UBR1: variants seen among roughly 807,000 people sequenced by gnomAD.
UBR1 encodes the protein ubiquitin protein ligase E3 component n-recognin 1, also known as E3 ubiquitin-protein ligase UBR1.
In UBR1, 102 loss-of-function variants were observed where a neutral mutation model predicts 242.1. That is an observed-to-expected ratio of 0.42 (90% CI 0.36 to 0.50). The LOEUF is 0.50. Ranked by LOEUF, UBR1 falls within the 20% of genes least tolerant of loss-of-function variation. UBR1 has a pLI of 0.01. For synonymous variants in UBR1, 675 were observed against 684.8 expected (o/e 0.99, Z 0.22); for missense variants, 1,772 against 2,101.8 (o/e 0.84, Z 3.07).
rs537194066 is a variant in UBR1 at position 42,951,219 on chromosome 15, T to G, written c.5007-856A>C. Among the ~76,000 whole-genome samples the G allele has an allele frequency of 1.7e-4, 26 of 152,290 alleles. No individual in the cohort carries two copies. In the South Asian group the frequency reaches 5.4e-3, roughly 32 times the overall value. ...TAAACTCTTTTTTCATAAATATAAG[T>G]GACTATTTTTCTTTTTTTTCCCAGA... is the stretch of plus-strand genomic sequence containing the variant. On this transcript the variant is annotated intron_variant, in intron 45 of 46. Transcript: ENST00000290650.
intron 15 of UBR1, among the ~76,000 whole-genome samples, chr15:43,039,180 T>G (rs1160946849): frequency 2.6e-5 from 4 of 152,048 alleles, no homozygotes; most frequent in African/African-American, 4.8e-5. Context: ...TATACAAACA[T>G]TAACTCAAAA....
intron 39 of UBR1, among the ~76,000 whole-genome samples, chr15:42,974,028 A>G (rs2032249269): frequency 1.3e-5 from 2 of 151,654 alleles, no homozygotes; most frequent in Admixed American, 1.3e-4. Flanking sequence ...AGCTGGGACT[A>G]CAGGCACCCG....
intron 33 of UBR1, among the ~76,000 whole-genome samples, chr15:42,997,676 G>A (rs1488369723): frequency 6.6e-6 from 1 of 152,124 alleles, no homozygotes; most frequent in Non-Finnish European, 1.5e-5. Flanking sequence ...AATAGTATTA[G>A]TAATAGTAAT....
At chr15:43,007,827 A>G (rs1596098067) in intron 29 of UBR1, among the ~76,000 whole-genome samples, 1 of 152,212 alleles carries the variant, frequency 6.6e-6, no homozygotes, top group Admixed American at 6.5e-5. Flanking sequence ...AAATGGTTGC[A>G]CAGCTCTTAC....
chr15:43,098,763 A>C (rs1476136311), intron 1 of UBR1, among the ~76,000 whole-genome samples: 1 of 152,226 alleles, frequency 6.6e-6, no homozygotes, highest in African/African-American at 2.4e-5. Flanking sequence ...GGCATTAAAA[A>C]ATCAAAATTT....
intron 37 of UBR1, among the ~76,000 whole-genome samples, chr15:42,979,803 C>T (rs2032348346): frequency 6.6e-6 from 1 of 152,140 alleles, no homozygotes; most frequent in African/African-American, 2.4e-5. Flanking sequence ...AGAGGTCCAC[C>T]TCCCCTGGCT....
At chr15:43,068,127 A>G in intron 5 of UBR1, 91 bp from the exon 6 acceptor site, 1 of 830,718 alleles carries the variant, frequency 1.2e-6, no homozygotes, top group Non-Finnish European at 1.8e-6. Flanking sequence ...AATACATAAC[A>G]TCTGTGTAGT....
At chr15:43,059,063 G>A (rs1370283912) in intron 9 of UBR1, 22 bp downstream of exon 9, 3 of 1,578,656 alleles carry the variant, frequency 1.9e-6, no homozygotes, top group African/African-American at 2.7e-5. Context: ...CTGACAAACA[G>A]CATAAGCAAA....
At chr15:43,067,823 C>T in intron 6 of UBR1, 75 bp downstream of exon 6, 1 of 1,587,822 alleles carries the variant, frequency 6.3e-7, no homozygotes, top group Non-Finnish European at 8.6e-7. Context: ...CAATACTGAG[C>T]AAGGGCTCAG....
In UBR1 at chr15:42,960,696, C is replaced by T. The variant is rs1567108622; in HGVS notation, c.4706G>A (p.Cys1569Tyr). 5.6e-6 allele frequency: 9 copies of T among 1,613,866 alleles called. No homozygotes were observed. The highest frequency in any genetic ancestry group is 2.2e-5 in the East Asian group (1 of 44,868). ...DTVRPLLQRW[C>Y]ADPALLNCLK... The stretch of plus-strand genomic sequence containing the variant: ...ACAGTTTAGTAAGGCAGGATCTGCA[C>T]ACCACCTGTATGTGGAGCCAAGAGA... The change falls in exon 43 of 47, where the codon TGT (cysteine) becomes TAT (tyrosine). Residue 1569 changes from cysteine to tyrosine, a missense_variant. Cys to Tyr is a radical substitution (Grantham distance 194, BLOSUM62 -2). Transcript: ENST00000290650.
intron 3 of UBR1, among the ~76,000 whole-genome samples, chr15:43,076,182 G>A (rs1438325877): frequency 6.7e-6 from 1 of 148,480 alleles, no homozygotes; most frequent in East Asian, 2.0e-4. Flanking sequence ...GGGTTTTGCT[G>A]TGTTGGCCGG....
At chr15:43,032,316 CATA>C (rs1448140510) in intron 20 of UBR1, among the ~76,000 whole-genome samples, 1 of 151,994 alleles carries the variant, frequency 6.6e-6, no homozygotes, top group African/African-American at 2.4e-5. Context: ...AACAGAATGA[CATA>C]ATGAAAATAT....
intron 43 of UBR1, among the ~76,000 whole-genome samples, chr15:42,959,857 T>A (rs569385154): frequency 6.6e-6 from 1 of 152,128 alleles, no homozygotes. Context: ...TGAGAGAAGA[T>A]GAGAAAAGGC....
intron 35 of UBR1, 76 bp from the exon 36 acceptor site, chr15:42,985,018 G>A (rs976189388): frequency 4.4e-5 from 49 of 1,109,270 alleles, no homozygotes; most frequent in Non-Finnish European, 6.1e-5. Flanking sequence ...TTTATCAAAT[G>A]TTCTTTAATA....
chr15:43,082,725 G>T lies in UBR1; in HGVS notation c.339-9C>A, dbSNP rs75962921. The stretch of plus-strand genomic sequence containing the variant: ...GATCAATTGCACAATCCCTGAAAAA[G>T]ATCAGAAATCAGATTCCAAAATTTA... On this transcript the variant is annotated splice_polypyrimidine_tract_variant and intron_variant, in intron 2 of 46. Transcript: ENST00000290650. The T allele has an allele frequency of 6.2e-7, 1 of 1,612,868 alleles. No homozygotes were observed. The highest frequency in any genetic ancestry group is 8.5e-7 in the Non-Finnish European group (1 of 1,179,076).
chr15:43,094,636 T>C (rs1158701622), intron 1 of UBR1, among the ~76,000 whole-genome samples: 1 of 152,172 alleles, frequency 6.6e-6, no homozygotes, highest in Non-Finnish European at 1.5e-5. Context: ...CTAAAACCCT[T>C]AGATCAATCA....
chr15:43,043,117 C>A, intron 15 of UBR1, 98 bp downstream of exon 15: 1 of 1,355,892 alleles, frequency 7.4e-7, no homozygotes, highest in Non-Finnish European at 1.0e-6. Context: ...CATGTCTGTA[C>A]ATATTGAGCA....
At chr15:43,025,480 T>C (rs2033167018) in intron 23 of UBR1, 51 bp from the exon 24 acceptor site, 1 of 1,394,142 alleles carries the variant, frequency 7.2e-7, no homozygotes, top group African/African-American at 1.4e-5. Context: ...ATGAAACAAA[T>C]GAAATACATT....
intron 46 of UBR1, among the ~76,000 whole-genome samples, chr15:42,948,341 T>G (rs960834957): frequency 1.2e-4 from 18 of 152,006 alleles, no homozygotes; most frequent in Non-Finnish European, 2.1e-4. Flanking sequence ...GAAGAAAACC[T>G]AGGCATTACC....
Sources: gnomAD v4.1 joint callset for allele counts (sites outside exome capture counted in the v4.1 genomes callset) on GRCh38, gnomAD v4.1.1 for gene constraint, MANE v1.5 for transcripts, NCBI Gene and HGNC (gene_info 2026-07-23, HGNC 2026-07-21) for gene names.